The following TUBB2B variants were observed in gnomAD, a reference collection of about 807,000 sequenced individuals.
The protein encoded by TUBB2B is tubulin beta 2B class IIb.
A neutral mutation model predicts 35.0 loss-of-function variants in TUBB2B; 5 were observed. That is an observed-to-expected ratio of 0.14 (90% CI 0.07 to 0.30). TUBB2B has a LOEUF of 0.30. Among genes scored for constraint, TUBB2B ranks in the 10% least tolerant of loss-of-function variants. The probability of loss-of-function intolerance (pLI) is 1.00; values close to 1 mark genes in which losing one functional copy is unlikely to be tolerated. For missense variants in TUBB2B, 63 were observed against 601.8 expected (o/e 0.10, Z 9.37); for synonymous variants, 166 against 250.5 (o/e 0.66, Z 3.18).
In TUBB2B at chr6:3,226,147, C is replaced by A; in HGVS notation, c.277+12G>T. The A allele has an allele frequency of 6.2e-7, 1 of 1,610,860 alleles. No individual in the cohort carries two copies. The highest frequency in any genetic ancestry group is 8.5e-7 in the Non-Finnish European group (1 of 1,177,414). On this transcript the variant is annotated intron_variant, in intron 3 of 3. Transcript: ENST00000259818. The surrounding 1 kb of genome is among the most constrained non-coding windows in gnomAD (Gnocchi z 5.5). ...TGAATCCCTCATGCTCTCAGCCACA[C>A]CAGGCACTCACCAAACACGAAATTG...
In TUBB2B at chr6:3,227,389, G is replaced by A. The variant is rs1757302335; in HGVS notation, c.57+98C>T. ...GCGGCCAGGAAGGTCTGCATTTGGC[G>A]ATCCCCAGGCCTTCCCAGGACCGCG... On this transcript the variant is annotated intron_variant, in intron 1 of 3. Transcript: ENST00000259818. This position sits in a 1 kb window ranked among gnomAD's most constrained non-coding sequence, Gnocchi z 7.8. The A allele has an allele frequency of 2.0e-6, 3 of 1,509,834 alleles. No homozygotes were observed. The African/African-American group carries it at 4.1e-5, about 21-fold the overall frequency. The allele number at this position is 1,509,834 out of a possible 1,614,324, so 93.5% of individuals were successfully genotyped here.
At position 3,224,684 on chromosome 6, in the gene TUBB2B, G is replaced by A. The variant is rs1757249342; in HGVS notation, c.*67C>T. 3 of 1,600,362 alleles carry A rather than the reference G, an allele frequency of 1.9e-6. No individual in the cohort carries two copies. The highest frequency in any genetic ancestry group is 2.2e-5 in the East Asian group (1 of 44,590). On this transcript the variant is annotated 3_prime_UTR_variant, in exon 4 of 4. Transcript: ENST00000259818. Reference sequence around the variant, plus strand: ...TCTTTCCTTCCACTGCCAGGTTATCGTCCCGGGAAGCCCCCCACCCCCTCG... The same window carrying A: ...TCTTTCCTTCCACTGCCAGGTTATCATCCCGGGAAGCCCCCCACCCCCTCG...
rs1222497096 is a variant in TUBB2B at position 3,226,844 on chromosome 6, T to A, written c.58-175A>T. Among the ~76,000 whole-genome samples the A allele has an allele frequency of 6.6e-6, 1 of 151,926 alleles. No homozygotes were observed. Among genetic ancestry groups the A allele is most frequent in the African/African-American group, 2.4e-5 (1 of 41,362 alleles). On this transcript the variant is annotated intron_variant, in intron 1 of 3. Coordinates refer to ENST00000259818, the MANE Select transcript of TUBB2B (RefSeq NM_178012.5). The surrounding 1 kb of genome is among the most constrained non-coding windows in gnomAD (Gnocchi z 5.5). ...CTTGTATTTTGCAGGTTCAGAAAGT[T>A]GAAACTGGGCGTTTCCCAGGCAAAC...
At position 3,227,507 on chromosome 6, in the gene TUBB2B, C is replaced by T. The variant is rs1484440779; in HGVS notation, c.37G>A (p.Gly13Ser). The T allele has an allele frequency of 6.2e-7, 1 of 1,609,710 alleles. No individual in the cohort carries two copies. ...EIVHIQAGQCGNQIGAKFWEV... is the reference protein window; with the variant it reads ...EIVHIQAGQCSNQIGAKFWEV... Reference sequence around the variant, plus strand: ...CCCACCTTGGCGCCGATCTGGTTGCCGCACTGGCCCGCCTGGATGTGCACG... The same window carrying T: ...CCCACCTTGGCGCCGATCTGGTTGCTGCACTGGCCCGCCTGGATGTGCACG... Residue 13 changes from glycine to serine, a missense_variant, in exon 1 of 4, where the codon GGC (glycine) becomes AGC (serine). Coordinates refer to ENST00000259818, the MANE Select transcript of TUBB2B (RefSeq NM_178012.5). This position sits in a 1 kb window ranked among gnomAD's most constrained non-coding sequence, Gnocchi z 7.8.
chr6:3,226,819 C>T lies in TUBB2B; in HGVS notation c.58-150G>A, dbSNP rs1581526481. Reference sequence around the variant, plus strand: ...TCGTGACCCGGGCACAGCCGCGGGGCTTGTATTTTGCAGGTTCAGAAAGTT... The same window carrying T: ...TCGTGACCCGGGCACAGCCGCGGGGTTTGTATTTTGCAGGTTCAGAAAGTT... On this transcript the variant is annotated intron_variant, in intron 1 of 3. Transcript: ENST00000259818. The surrounding 1 kb of genome is among the most constrained non-coding windows in gnomAD (Gnocchi z 5.5). The T allele has an allele frequency of 1.3e-6, 1 of 761,114 alleles. No homozygotes were observed. Among genetic ancestry groups the T allele is most frequent in the African/African-American group, 1.7e-5 (1 of 58,540 alleles). 47.1% of individuals were successfully genotyped at this position (761,114 alleles called of 1,614,324 possible).
At position 3,227,451 on chromosome 6, in the gene TUBB2B, G is replaced by GC; in HGVS notation, c.57+35dup. On this transcript the variant is annotated intron_variant, in intron 1 of 3. Transcript: ENST00000259818. The surrounding 1 kb of genome is among the most constrained non-coding windows in gnomAD (Gnocchi z 7.8). ...CGAGGGGCTCTCGGCCCAGGTTCGC[G>GC]CCCCCATTGGACCCCCTCCGCTGCG... 1 of 1,602,076 alleles carries GC rather than the reference G, an allele frequency of 6.2e-7. No homozygotes were observed. The highest frequency in any genetic ancestry group is 8.5e-7 in the Non-Finnish European group (1 of 1,179,128).
In TUBB2B at chr6:3,227,159, C is replaced by T. The variant is rs1223993692; in HGVS notation, c.57+328G>A. On this transcript the variant is annotated intron_variant, in intron 1 of 3. Transcript: ENST00000259818. This position sits in a 1 kb window ranked among gnomAD's most constrained non-coding sequence, Gnocchi z 7.8. ...CGAGTACAATTAATCCTCCTGGTGT[C>T]CCAGCCCCTCGCGCGGAGCGCCGCG... Among the ~76,000 whole-genome samples the T allele has an allele frequency of 2.0e-5, 3 of 152,286 alleles. No individual in the cohort carries two copies. The highest frequency in any genetic ancestry group is 2.9e-5 in the Non-Finnish European group (2 of 68,014).
At position 3,224,694 on chromosome 6, in the gene TUBB2B, G is replaced by A; in HGVS notation, c.*57C>T. On this transcript the variant is annotated 3_prime_UTR_variant, in exon 4 of 4. Coordinates refer to ENST00000259818, the MANE Select transcript of TUBB2B (RefSeq NM_178012.5). ...CACTGCCAGGTTATCGTCCCGGGAA[G>A]CCCCCCACCCCCTCGCTTTCCTCCT... 1 of 1,605,936 alleles carries A rather than the reference G, an allele frequency of 6.2e-7. No individual in the cohort carries two copies. Among genetic ancestry groups the A allele is most frequent in the Admixed American group, 1.7e-5 (1 of 59,710 alleles).
rs1260946687 is a variant in TUBB2B at position 3,224,482 on chromosome 6, AAG to A, written c.*267_*268del. 6 of 585,662 alleles carry A rather than the reference AAG, an allele frequency of 1.0e-5. No homozygotes were observed. The highest frequency in any genetic ancestry group is 6.6e-5 in the South Asian group (3 of 45,230). The allele number at this position is 585,662 out of a possible 1,614,324, so 36.3% of individuals were successfully genotyped here. ...GTTAATAAAGAGAAAAAGGAAGAGAAAGAGAGGACACCATTCCGACACAAACG... is the reference window on the plus strand; with the variant it reads ...GTTAATAAAGAGAAAAAGGAAGAGAAAGAGGACACCATTCCGACACAAACG... On this transcript the variant is annotated 3_prime_UTR_variant, in exon 4 of 4. Coordinates refer to ENST00000259818, the MANE Select transcript of TUBB2B (RefSeq NM_178012.5).
Position 3,226,793 on chromosome 6 carries a change from G to T in TUBB2B, c.58-124C>A, listed in dbSNP as rs150818836. 3,565 of 883,052 alleles carry T rather than the reference G, an allele frequency of 4.0e-3. 33 individuals are homozygous for T. Among genetic ancestry groups the T allele is most frequent in the African/African-American group, 0.016 (972 of 61,288 alleles). 54.7% of individuals were successfully genotyped at this position (883,052 alleles called of 1,614,324 possible). Reference sequence around the variant, plus strand: ...TCAGGAGCTTGAAGCTTTAAAGGGCGTCGTGACCCGGGCACAGCCGCGGGG... The same window carrying T: ...TCAGGAGCTTGAAGCTTTAAAGGGCTTCGTGACCCGGGCACAGCCGCGGGG... On this transcript the variant is annotated intron_variant, in intron 1 of 3. Transcript: ENST00000259818. The surrounding 1 kb of genome is among the most constrained non-coding windows in gnomAD (Gnocchi z 5.5).
chr6:3,226,512 G>A lies in TUBB2B; in HGVS notation c.166+49C>T, dbSNP rs552257459. On this transcript the variant is annotated intron_variant, in intron 2 of 3. Transcript: ENST00000259818. The surrounding 1 kb of genome is among the most constrained non-coding windows in gnomAD (Gnocchi z 5.5). ...CTGGGGTCCCACGCAAGGGAAAGGG[G>A]AGAAGGTGGAAAAACTGAAGGGAGT... 3.0e-5 allele frequency: 47 copies of A among 1,548,702 alleles called. 1 individual carries two copies. In the Middle Eastern group the frequency reaches 5.1e-4, roughly 17 times the overall value.
Position 3,226,118 on chromosome 6 carries a change from A to T in TUBB2B, c.277+41T>A, listed in dbSNP as rs1346736599. ...CTCTTCAGCCTCCACTGCCCAGCGT[A>T]AAATGAATCCCTCATGCTCTCAGCC... On this transcript the variant is annotated intron_variant, in intron 3 of 3. Transcript: ENST00000259818. The surrounding 1 kb of genome is among the most constrained non-coding windows in gnomAD (Gnocchi z 5.5). 6.4e-7 allele frequency: 1 copy of T among 1,570,996 alleles called. No individual in the cohort carries two copies. The highest frequency in any genetic ancestry group is 2.2e-5 in the East Asian group (1 of 44,670).
rs2259136 is a variant in TUBB2B, at chr6:3,225,525, C to A, written c.564G>T (p.Ser188=). Residue 188 remains serine (S), a synonymous_variant, in exon 4 of 4, where the codon TCG becomes TCT. Coordinates refer to ENST00000259818, the MANE Select transcript of TUBB2B (RefSeq NM_178012.5). ...TVVEPYNATL[S]VHQLVENTDE... Reference sequence around the variant, plus strand: ...CTGTGTTTTCCACCAGCTGGTGGACCGAGAGGGTGGCGTTGTAGGGCTCCA... The same window carrying A: ...CTGTGTTTTCCACCAGCTGGTGGACAGAGAGGGTGGCGTTGTAGGGCTCCA... 31,831 of 1,570,210 alleles carry A rather than the reference C, an allele frequency of 0.02. 1,536 individuals are homozygous for A. The East Asian group carries it at 0.22, about 11-fold the overall frequency.
Position 3,224,787 on chromosome 6 carries a change from C to T in TUBB2B, c.1302G>A (p.Gly434=), listed in dbSNP as rs144553817. Residue 434 remains glycine (G), a synonymous_variant, in exon 4 of 4, where the codon GGG becomes GGA. Coordinates refer to ENST00000259818, the MANE Select transcript of TUBB2B (RefSeq NM_178012.5). ...QYQDATADEQ[G]EFEEEEGEDE... ...CCTCGCCCTCCTCCTCCTCGAACTC[C>T]CCTTGTTCGTCGGCCGTGGCGTCCT... 2,390 of 1,613,664 alleles carry T rather than the reference C, an allele frequency of 1.5e-3. 2 individuals carry two copies. The highest frequency in any genetic ancestry group is 1.9e-3 in the Non-Finnish European group (2,257 of 1,179,984).
rs1757282811 is a variant in TUBB2B at position 3,225,942 on chromosome 6, C to T, written c.278-131G>A. The T allele has an allele frequency of 6.7e-6, 10 of 1,487,312 alleles. 1 individual carries two copies. In the Middle Eastern group the frequency reaches 6.9e-4, roughly 102 times the overall value. The allele number at this position is 1,487,312 out of a possible 1,614,324, so 92.1% of individuals were successfully genotyped here. ...TCAGATTATCACCAAAATGGCCAAA[C>T]GTTAAAATATTTGTTCATGAATATA... On this transcript the variant is annotated intron_variant, in intron 3 of 3. Transcript: ENST00000259818.
Position 3,224,984 on chromosome 6 carries a change from C to G in TUBB2B, c.1105G>C (p.Gly369Arg). The G allele has an allele frequency of 6.9e-7, 1 of 1,453,212 alleles. No homozygotes were observed. Among genetic ancestry groups the G allele is most frequent in the Non-Finnish European group, 9.3e-7 (1 of 1,080,736 alleles). 90.0% of individuals were successfully genotyped at this position (1,453,212 alleles called of 1,614,324 possible). ...RGLKMSATFI[G>R]NSTAIQELFK... ...AGCTCCTGGATGGCCGTGCTGTTGC[C>G]GATGAAGGTGGCCGACATCTTCAGG... Residue 369 changes from glycine to arginine, a missense_variant, in exon 4 of 4, where the codon GGC becomes CGC. By Grantham distance (125) the Gly-to-Arg change is moderately radical. Coordinates refer to ENST00000259818, the MANE Select transcript of TUBB2B (RefSeq NM_178012.5).
In TUBB2B at chr6:3,225,948, A is replaced by G; in HGVS notation, c.278-137T>C. On this transcript the variant is annotated intron_variant, in intron 3 of 3. Coordinates refer to ENST00000259818, the MANE Select transcript of TUBB2B (RefSeq NM_178012.5). The stretch of plus-strand genomic sequence containing the variant: ...TATCACCAAAATGGCCAAACGTTAA[A>G]ATATTTGTTCATGAATATAATTATA... The G allele has an allele frequency of 4.1e-6, 6 of 1,478,806 alleles. No individual in the cohort carries two copies. The South Asian group carries it at 6.0e-5, about 15-fold the overall frequency. 91.6% of individuals were successfully genotyped at this position (1,478,806 alleles called of 1,614,324 possible).
Position 3,224,780 on chromosome 6 carries a change from C to T in TUBB2B, c.1309G>A (p.Glu437Lys), listed in dbSNP as rs773869730. ...GCCTCGTCCTCGCCCTCCTCCTCCT[C>T]GAACTCCCCTTGTTCGTCGGCCGTG... ...DATADEQGEF[E>K]EEEGEDEA is the part of the protein sequence containing the mutation. Residue 437 changes from glutamate (E) to lysine (K), a missense_variant, in exon 4 of 4, where the codon GAG (glutamate) becomes AAG (lysine). By Grantham distance (56) the Glu-to-Lys change is moderately conservative. Around this residue, in one of 4 missense-constraint regions of TUBB2B, gnomAD observed 14 missense variants for 16.2 expected, o/e 0.86. Coordinates refer to ENST00000259818, the MANE Select transcript of TUBB2B (RefSeq NM_178012.5). 4.3e-6 allele frequency: 7 copies of T among 1,613,888 alleles called. No homozygotes were observed. Among genetic ancestry groups the T allele is most frequent in the African/African-American group, 2.7e-5 (2 of 74,966 alleles).
chr6:3,226,042 T>G lies in TUBB2B; in HGVS notation c.277+117A>C. On this transcript the variant is annotated intron_variant, in intron 3 of 3. Transcript: ENST00000259818. This position sits in a 1 kb window ranked among gnomAD's most constrained non-coding sequence, Gnocchi z 5.5. ...AAACAATTTTACACTATATTAAAGCTAAGTTGGCACACCGCGGATGTTCTT... is the reference window on the plus strand; with the variant it reads ...AAACAATTTTACACTATATTAAAGCGAAGTTGGCACACCGCGGATGTTCTT... 1 of 1,344,292 alleles carries G rather than the reference T, an allele frequency of 7.4e-7. No homozygotes were observed. The highest frequency in any genetic ancestry group is 1.1e-6 in the Non-Finnish European group (1 of 948,576). 83.3% of individuals were successfully genotyped at this position (1,344,292 alleles called of 1,614,324 possible). A position where few individuals can be genotyped will look rare whatever the true frequency, so the allele number is the denominator to read the frequency against.
Sources: gnomAD v4.1 joint callset for allele counts (sites outside exome capture counted in the v4.1 genomes callset) on GRCh38, gnomAD v4.1.1 for gene constraint, gnomAD v4.1.1 regional missense constraint, Gnocchi (gnomAD v3.1) non-coding constraint, MANE v1.5 for transcripts, NCBI Gene and HGNC (gene_info 2026-07-23, HGNC 2026-07-21) for gene names.